The following GALNT13 variants were observed in gnomAD, a reference collection of about 807,000 sequenced individuals.
The protein encoded by GALNT13 is UDP-GalNAc:polypeptide N-acetylgalactosaminyltransferase 13.
Under a neutral mutation model 64.2 loss-of-function variants are expected in GALNT13, and 28 were observed. The observed-to-expected ratio is 0.44, with a 90% CI of 0.32 to 0.60. GALNT13 has a LOEUF of 0.60. Among genes scored for constraint, GALNT13 ranks in the 20% least tolerant of loss-of-function variants. The pLI is 0.05. For synonymous variants in GALNT13, 214 were observed against 224.6 expected (o/e 0.95, Z 0.42); for missense variants, 577 against 669.8 (o/e 0.86, Z 1.53).
At chr2:154,182,473 A>G (rs189812727) in intron 4 of GALNT13, among the ~76,000 whole-genome samples, 185 of 152,082 alleles carry the variant, frequency 1.2e-3, no homozygotes, top group African/African-American at 4.4e-3. Flanking sequence ...TGTGGTCATT[A>G]AGGATCTTTC....
the GALNT13 span, among the ~76,000 whole-genome samples, chr2:153,662,019 G>A: frequency 4.6e-4 from 70 of 152,034 alleles, no homozygotes; most frequent in African/African-American, 1.4e-3. Flanking sequence ...GATGTAGATC[G>A]TGCACTGCAC....
At chr2:153,490,900 C>A in the GALNT13 span, among the ~76,000 whole-genome samples, 3 of 147,036 alleles carry the variant, frequency 2.0e-5, no homozygotes, top group African/African-American at 5.1e-5. Flanking sequence ...CCAGAGGTTG[C>A]AATGAGCCGA....
chr2:154,004,393 A>G (rs1220687763), intron 3 of GALNT13, among the ~76,000 whole-genome samples: 2 of 151,958 alleles, frequency 1.3e-5, no homozygotes, highest in Non-Finnish European at 2.9e-5. Context: ...TTTAGTAGAG[A>G]GGGGGTTTCA....
At chr2:154,418,513 A>G (rs799761) in intron 11 of GALNT13, among the ~76,000 whole-genome samples, 91,330 of 151,922 alleles carry the variant, frequency 0.6, 27,830 homozygotes, top group Admixed American at 0.71. Flanking sequence ...AAAGCGGCCA[A>G]TAAGCCAGGG....
chr2:154,151,352 A>G (rs1267305337), intron 4 of GALNT13, among the ~76,000 whole-genome samples: 2 of 152,152 alleles, frequency 1.3e-5, no homozygotes, highest in African/African-American at 2.4e-5. Context: ...ACTTCCAAGT[A>G]TGTGGTCAAT....
chr2:153,474,003 C>G, the GALNT13 span, among the ~76,000 whole-genome samples: 2 of 152,162 alleles, frequency 1.3e-5, no homozygotes, highest in Non-Finnish European at 2.9e-5. Flanking sequence ...CTGGTGAGAT[C>G]ATGCGTAATC....
chr2:154,252,280 C>T (rs1690108454), intron 7 of GALNT13, among the ~76,000 whole-genome samples: 1 of 151,582 alleles, frequency 6.6e-6, no homozygotes, highest in Non-Finnish European at 1.5e-5. Flanking sequence ...CAAAAATTCA[C>T]AGGAAAACAT....
At chr2:153,394,884 C>T in the GALNT13 span, among the ~76,000 whole-genome samples, 2 of 152,146 alleles carry the variant, frequency 1.3e-5, no homozygotes, top group Non-Finnish European at 2.9e-5. Flanking sequence ...TGCTCAGGAT[C>T]TCACAAGTCT....
the GALNT13 span, among the ~76,000 whole-genome samples, chr2:153,482,606 C>T: frequency 6.6e-6 from 1 of 152,070 alleles, no homozygotes; most frequent in Non-Finnish European, 1.5e-5. Context: ...AGGAGCTGGG[C>T]TTACAGACAT....
the GALNT13 span, among the ~76,000 whole-genome samples, chr2:153,178,247 TG>T: frequency 6.6e-6 from 1 of 152,220 alleles, no homozygotes; most frequent in Non-Finnish European, 1.5e-5. Context: ...CTGGATCATA[TG>T]ATAATATTGT....
chr2:153,078,529 C>T, the GALNT13 span, among the ~76,000 whole-genome samples: 1 of 151,970 alleles, frequency 6.6e-6, no homozygotes, highest in African/African-American at 2.4e-5. Context: ...CCAGACTCGT[C>T]TGAACTCCTG....
the GALNT13 span, among the ~76,000 whole-genome samples, chr2:153,784,107 G>A: frequency 6.6e-6 from 1 of 152,142 alleles, no homozygotes; most frequent in Non-Finnish European, 1.5e-5. Context: ...ATGTGGGAAA[G>A]TTTTGAACTT....
intron 3 of GALNT13, among the ~76,000 whole-genome samples, chr2:153,992,761 A>G (rs1309071856): frequency 1.3e-5 from 2 of 152,238 alleles, no homozygotes; most frequent in Non-Finnish European, 2.9e-5. Flanking sequence ...AAAATTTAGA[A>G]AATAAAGTGG....
intron 9 of GALNT13, among the ~76,000 whole-genome samples, chr2:154,303,571 A>G (rs959620320): frequency 1.3e-5 from 2 of 152,096 alleles, no homozygotes; most frequent in African/African-American, 4.8e-5. Flanking sequence ...ATTAAAAAGG[A>G]AAACCTTACT....
At chr2:153,625,459 C>A in the GALNT13 span, among the ~76,000 whole-genome samples, 1 of 152,076 alleles carries the variant, frequency 6.6e-6, no homozygotes, top group African/African-American at 2.4e-5. Flanking sequence ...AGTCCTTGGG[C>A]TCCTATTATT....
chr2:153,886,409 G>A (rs1687184918), intron 1 of GALNT13, among the ~76,000 whole-genome samples: 2 of 146,702 alleles, frequency 1.4e-5, no homozygotes. Flanking sequence ...TCCCCTTCCT[G>A]TGTCTAAGAA....
chr2:154,343,714 T>A (rs1472002326), intron 9 of GALNT13, among the ~76,000 whole-genome samples: 1 of 152,098 alleles, frequency 6.6e-6, no homozygotes, highest in East Asian at 1.9e-4. Context: ...AACATTGATA[T>A]ATACAGTGAA....
chr2:153,918,596 T>C (rs1021444576), intron 2 of GALNT13, among the ~76,000 whole-genome samples: 10 of 152,096 alleles, frequency 6.6e-5, no homozygotes, highest in African/African-American at 2.4e-4. Context: ...ATCCTTTTAT[T>C]CTCCCCTTCT....
At chr2:154,157,126 C>T (rs1684468057) in intron 4 of GALNT13, among the ~76,000 whole-genome samples, 2 of 151,994 alleles carry the variant, frequency 1.3e-5, no homozygotes, top group Admixed American at 6.6e-5. Context: ...TATAATACTT[C>T]CTCTCAACCC....
Sources: allele counts gnomAD v4.1 joint callset (sites outside exome capture counted in the v4.1 genomes callset), GRCh38; gene constraint gnomAD v4.1.1; transcripts MANE v1.5; gene names NCBI Gene and HGNC (gene_info 2026-07-23, HGNC 2026-07-21).